Variants in SLC7A8 observed in about 807,000 individuals in gnomAD.
SLC7A8 encodes large neutral amino acids transporter small subunit 2.
Under a neutral mutation model 51.2 loss-of-function variants are expected in SLC7A8, and 30 were observed. The observed-to-expected ratio is 0.59, with a 90% CI of 0.44 to 0.80. SLC7A8 has a LOEUF of 0.80. SLC7A8 is among the 30% of genes least tolerant of loss of function. The pLI, the probability that SLC7A8 is intolerant of heterozygous loss-of-function variation, is 0.00. For synonymous variants in SLC7A8, 257 were observed against 275.8 expected (o/e 0.93, Z 0.67); for missense variants, 612 against 674.4 (o/e 0.91, Z 1.03).
At chr14:23,137,794 C>T in intron 7 of SLC7A8, 127 bp downstream of exon 7, 1 of 1,197,964 alleles carries the variant, frequency 8.3e-7, no homozygotes, top group South Asian at 1.4e-5. Context: ...AGCAGTCACC[C>T]CTCTGCAAGC....
At chr14:23,153,032 C>G (rs2048861031) in intron 3 of SLC7A8, among the ~76,000 whole-genome samples, 2 of 152,180 alleles carry the variant, frequency 1.3e-5, no homozygotes, top group South Asian at 4.1e-4. Context: ...ATATTTGAAG[C>G]CTGCGCCCTA....
intron 3 of SLC7A8, among the ~76,000 whole-genome samples, chr14:23,144,559 A>G (rs1033081557): frequency 6.6e-6 from 1 of 152,104 alleles, no homozygotes; most frequent in Non-Finnish European, 1.5e-5. Context: ...CTTCACTTGA[A>G]TGGCTGATCA....
chr14:23,168,952 G>C (rs56386328), intron 1 of SLC7A8, among the ~76,000 whole-genome samples: 3,375 of 152,312 alleles, frequency 0.022, 131 homozygotes, highest in African/African-American at 0.077. Flanking sequence ...AGAGCTGCCA[G>C]AGTGATTGCG....
chr14:23,131,603 C>G, intron 7 of SLC7A8, 46 bp from the exon 8 acceptor site: 1 of 1,474,042 alleles, frequency 6.8e-7, no homozygotes, highest in African/African-American at 1.4e-5. Context: ...CCAGGGACCA[C>G]CAAGCCCCAG....
chr14:23,128,085 C>T lies in SLC7A8; in HGVS notation c.1375G>A (p.Gly459Arg). The change falls in exon 10 of 11, where the codon GGA becomes AGA. Residue 459 changes from glycine (G) to arginine (R), a missense_variant. Coordinates refer to ENST00000316902, the MANE Select transcript of SLC7A8 (RefSeq NM_012244.4). The surrounding 1 kb of genome is among the most constrained non-coding windows in gnomAD (Gnocchi z 4.3). ...CGIGLAIMLTGVPVYFLGVYW... is the reference protein window; with the variant it reads ...CGIGLAIMLTRVPVYFLGVYW... ...ACACCCAGGAAATAGACAGGCACTC[C>T]TGTCAGCATGATGGCCAGGCCAATG... is the stretch of plus-strand genomic sequence containing the variant. 6.2e-7 allele frequency: 1 copy of T among 1,614,236 alleles called. No individual in the cohort carries two copies. Among genetic ancestry groups the T allele is most frequent in the Non-Finnish European group, 8.5e-7 (1 of 1,180,046 alleles).
chr14:23,157,991 C>T (rs374424512), intron 3 of SLC7A8, among the ~76,000 whole-genome samples: 8 of 152,192 alleles, frequency 5.3e-5, no homozygotes, highest in African/African-American at 1.9e-4. Flanking sequence ...TATTTAATAA[C>T]GTATGACTGA....
At chr14:23,127,463 G>A in intron 10 of SLC7A8, 120 bp from the exon 11 acceptor site, 2 of 1,176,616 alleles carry the variant, frequency 1.7e-6, no homozygotes, top group South Asian at 3.0e-5. Context: ...AGCAGTCAGT[G>A]CGTTGAAGAG....
chr14:23,177,606 T>A (rs1481194065), intron 1 of SLC7A8, among the ~76,000 whole-genome samples: 1 of 152,242 alleles, frequency 6.6e-6, no homozygotes, highest in South Asian at 2.1e-4. Flanking sequence ...CATACCTAGA[T>A]ACGTGACTGG....
chr14:23,133,967 G>T (rs1348941101), intron 7 of SLC7A8, among the ~76,000 whole-genome samples: 2 of 151,856 alleles, frequency 1.3e-5, no homozygotes, highest in Non-Finnish European at 2.9e-5. Context: ...TTGAGACATG[G>T]TCTTGCTCTG....
At chr14:23,180,354 A>G (rs1877120070) in intron 1 of SLC7A8, among the ~76,000 whole-genome samples, 1 of 152,352 alleles carries the variant, frequency 6.6e-6, no homozygotes, top group Non-Finnish European at 1.5e-5. Context: ...ACTTCTCCAG[A>G]AGAGGAAAGG....
At chr14:23,169,734 A>G (rs73600413) in intron 1 of SLC7A8, among the ~76,000 whole-genome samples, 3,429 of 152,318 alleles carry the variant, frequency 0.023, 135 homozygotes, top group African/African-American at 0.078. Context: ...AGGGGAAGAA[A>G]GTAGGACAAT....
chr14:23,166,484 C>G lies in SLC7A8; in HGVS notation c.208G>C (p.Gly70Arg). The change falls in exon 2 of 11, where the codon GGT (glycine) becomes CGT (arginine). Residue 70 changes from glycine to arginine, a missense_variant. Coordinates refer to ENST00000316902, the MANE Select transcript of SLC7A8 (RefSeq NM_012244.4). Reference sequence around the variant, plus strand: ...ACGATGAGAGCAAGGCCCACAGAACCAGCATTCTCCAGCACTCCCTTTGGC... The same window carrying G: ...ACGATGAGAGCAAGGCCCACAGAACGAGCATTCTCCAGCACTCCCTTTGGC... Reference protein sequence around the residue: ...VSPKGVLENAGSVGLALIVWI... With the variant: ...VSPKGVLENARSVGLALIVWI... The G allele has an allele frequency of 1.2e-6, 2 of 1,614,176 alleles. No individual in the cohort carries two copies. The highest frequency in any genetic ancestry group is 1.7e-6 in the Non-Finnish European group (2 of 1,180,042).
chr14:23,161,190 C>A (rs2048919939), intron 3 of SLC7A8, among the ~76,000 whole-genome samples: 1 of 152,070 alleles, frequency 6.6e-6, no homozygotes, highest in Non-Finnish European at 1.5e-5. Flanking sequence ...TCCACCCCCA[C>A]CACCTGGCTC....
At chr14:23,134,455 A>G (rs1394599053) in intron 7 of SLC7A8, among the ~76,000 whole-genome samples, 1 of 150,994 alleles carries the variant, frequency 6.6e-6, no homozygotes, top group East Asian at 1.9e-4. Flanking sequence ...AAAAAAAAAA[A>G]AAAAAGAAAA....
chr14:23,160,972 TTC>T (rs1462584521), intron 3 of SLC7A8, among the ~76,000 whole-genome samples: 1 of 152,114 alleles, frequency 6.6e-6, no homozygotes, highest in Non-Finnish European at 1.5e-5. Flanking sequence ...TTTTTTTCTT[TTC>T]TTTTTTTACT....
chr14:23,150,024 G>A (rs1343032334), intron 3 of SLC7A8, among the ~76,000 whole-genome samples: 1 of 152,132 alleles, frequency 6.6e-6, no homozygotes, highest in Non-Finnish European at 1.5e-5. Context: ...ATCATCTAAG[G>A]ATACATTTCT....
At chr14:23,166,272 A>T in intron 2 of SLC7A8, 64 bp downstream of exon 2, 1 of 1,568,750 alleles carries the variant, frequency 6.4e-7, no homozygotes, top group South Asian at 1.1e-5. Flanking sequence ...TTCCAATCTG[A>T]CCTCCTTCTG....
intron 6 of SLC7A8, 38 bp from the exon 7 acceptor site, chr14:23,138,062 C>T (rs1569951): frequency 0.48 from 772,359 of 1,610,600 alleles, 190,923 homozygotes; most frequent in Admixed American, 0.6. Flanking sequence ...AAGGAGAGGT[C>T]ACCACTCCCC....
In SLC7A8 at chr14:23,125,483, A is replaced by C. The variant is rs1395159415; in HGVS notation, c.*1694T>G. On this transcript the variant is annotated 3_prime_UTR_variant, in exon 11 of 11. Coordinates refer to ENST00000316902, the MANE Select transcript of SLC7A8 (RefSeq NM_012244.4). ...CTTCAAAAATATTTATCCAAAAAGT[A>C]AGGCATCAACTTTACAAAAAAATAA... The C allele has an allele frequency of 6.6e-6, 1 of 152,626 alleles. No homozygotes were observed. Among genetic ancestry groups the C allele is most frequent in the Non-Finnish European group, 1.5e-5 (1 of 68,038 alleles). 9.5% of individuals were successfully genotyped at this position (152,626 alleles called of 1,614,324 possible).
Sources: allele counts gnomAD v4.1 joint callset (sites outside exome capture counted in the v4.1 genomes callset), GRCh38; gene constraint gnomAD v4.1.1; non-coding constraint Gnocchi (gnomAD v3.1); transcripts MANE v1.5; gene names NCBI Gene and HGNC (gene_info 2026-07-23, HGNC 2026-07-21).